ROBO2: variants seen among roughly 807,000 people sequenced by gnomAD.
ROBO2 encodes roundabout homolog 2.
ROBO2 carries 53 observed loss-of-function variants against 160.8 expected under a neutral mutation model. The ratio of observed to expected loss-of-function variants is 0.33; its 90% CI spans 0.26 to 0.41. ROBO2 has a LOEUF of 0.41. Ranked by LOEUF, ROBO2 falls within the 10% of genes least tolerant of loss-of-function variation. The probability of loss-of-function intolerance (pLI) is 1.00; values close to 1 mark genes in which losing one functional copy is unlikely to be tolerated. For missense variants in ROBO2, 1,577 were observed against 1,722.4 expected, an observed-to-expected ratio of 0.92 and a Z score of 1.49; for synonymous variants, 664 against 611.7, an observed-to-expected ratio of 1.09 and a Z score of -1.26.
At chr3:76,277,030 G>C (rs1298314944) in intron 2 of ROBO2, among the ~76,000 whole-genome samples, 1 of 151,932 alleles carries the variant, frequency 6.6e-6, no homozygotes, top group Non-Finnish European at 1.5e-5. Flanking sequence ...TTTTATGCAT[G>C]AAACAAAGTT....
At chr3:76,979,529 CT>C (rs1476933749) in intron 2 of ROBO2, among the ~76,000 whole-genome samples, 1 of 151,766 alleles carries the variant, frequency 6.6e-6, no homozygotes, top group Admixed American at 6.6e-5. Flanking sequence ...ATTCATGTTG[CT>C]TCAAAAGACA....
intron 2 of ROBO2, among the ~76,000 whole-genome samples, chr3:77,445,090 A>G (rs1235091127): frequency 6.6e-6 from 1 of 152,142 alleles, no homozygotes; most frequent in Non-Finnish European, 1.5e-5. Context: ...TGTTGCTGAT[A>G]CATTTTTTGT....
intron 2 of ROBO2, among the ~76,000 whole-genome samples, chr3:76,810,320 A>T (rs1441172544): frequency 3.9e-5 from 6 of 152,176 alleles, no homozygotes; most frequent in Admixed American, 3.9e-4. Flanking sequence ...CCAGTTCGCC[A>T]ACCCAAACTT....
intron 2 of ROBO2, among the ~76,000 whole-genome samples, chr3:76,953,574 G>A (rs1416157484): frequency 6.6e-6 from 1 of 152,122 alleles, no homozygotes; most frequent in African/African-American, 2.4e-5. Flanking sequence ...TCCAACTCAA[G>A]CTAGAATTCC....
intron 2 of ROBO2, among the ~76,000 whole-genome samples, chr3:77,291,094 G>C (rs9822838): frequency 0.4 from 48,651 of 120,486 alleles, 9,043 homozygotes; most frequent in Middle Eastern, 0.59. Context: ...AAATTGACGG[G>C]TAAACGGGTA....
chr3:77,508,435 A>G (rs2088893789), intron 5 of ROBO2, among the ~76,000 whole-genome samples: 1 of 148,250 alleles, frequency 6.7e-6, no homozygotes, highest in South Asian at 2.1e-4. Flanking sequence ...AGATTTCTAT[A>G]TATATGTGAT....
At chr3:77,143,229 A>G (rs1187308608) in intron 2 of ROBO2, among the ~76,000 whole-genome samples, 1 of 117,498 alleles carries the variant, frequency 8.5e-6, no homozygotes, top group Non-Finnish European at 1.6e-5. Flanking sequence ...TCTGTTGCCC[A>G]GGCTGGAGTG....
chr3:76,138,421 G>A (rs2071509313), intron 2 of ROBO2, among the ~76,000 whole-genome samples: 2 of 151,930 alleles, frequency 1.3e-5, no homozygotes, highest in African/African-American at 4.8e-5. Context: ...CCATATAAAT[G>A]CAAAGAGAAA....
chr3:77,366,754 A>C (rs1205695533), intron 2 of ROBO2, among the ~76,000 whole-genome samples: 1 of 151,998 alleles, frequency 6.6e-6, no homozygotes, highest in Non-Finnish European at 1.5e-5. Flanking sequence ...ACATGGCCAG[A>C]GAGGAAGTGA....
chr3:75,958,079 C>A (rs1948783775), intron 2 of ROBO2, among the ~76,000 whole-genome samples: 3 of 151,656 alleles, frequency 2.0e-5, no homozygotes, highest in Non-Finnish European at 4.4e-5. Flanking sequence ...AGTTGGAGGG[C>A]AACTGATATT....
intron 2 of ROBO2, among the ~76,000 whole-genome samples, chr3:77,034,286 G>A (rs1191369305): frequency 1.3e-5 from 2 of 149,984 alleles, no homozygotes; most frequent in East Asian, 2.0e-4. Flanking sequence ...GGATGACAAT[G>A]TGTATTTACA....
At chr3:77,269,497 G>A (rs1267536683) in intron 2 of ROBO2, among the ~76,000 whole-genome samples, 1 of 152,078 alleles carries the variant, frequency 6.6e-6, no homozygotes, top group Non-Finnish European at 1.5e-5. Flanking sequence ...GAATTCATCT[G>A]CGAGCCACAA....
chr3:76,080,776 A>C (rs2068798789), intron 2 of ROBO2, among the ~76,000 whole-genome samples: 1 of 152,222 alleles, frequency 6.6e-6, no homozygotes, highest in Non-Finnish European at 1.5e-5. Flanking sequence ...GATATGTAGT[A>C]AGATATATGA....
At chr3:76,524,070 G>C (rs573639485) in intron 2 of ROBO2, among the ~76,000 whole-genome samples, 1 of 151,886 alleles carries the variant, frequency 6.6e-6, no homozygotes, top group East Asian at 1.9e-4. Flanking sequence ...TTATCTCCAA[G>C]TTTGAAGTCT....
chr3:77,432,856 G>A (rs565345650), intron 2 of ROBO2, among the ~76,000 whole-genome samples: 8 of 152,106 alleles, frequency 5.3e-5, no homozygotes, highest in South Asian at 2.1e-4. Context: ...GTATTTTCCC[G>A]TCCCTCCAGA....
At chr3:77,492,416 A>G (rs1001345354) in intron 4 of ROBO2, among the ~76,000 whole-genome samples, 18 of 152,184 alleles carry the variant, frequency 1.2e-4, no homozygotes, top group African/African-American at 4.3e-4. Flanking sequence ...ATGGATACAG[A>G]CTTATTTTTC....
chr3:76,009,571 A>G (rs1384551889), intron 2 of ROBO2, among the ~76,000 whole-genome samples: 1 of 152,204 alleles, frequency 6.6e-6, no homozygotes, highest in Non-Finnish European at 1.5e-5. Flanking sequence ...TATCAAGAGA[A>G]TAGTGTTGCG....
At chr3:76,075,186 T>C (rs2068604677) in intron 2 of ROBO2, among the ~76,000 whole-genome samples, 1 of 151,916 alleles carries the variant, frequency 6.6e-6, no homozygotes, top group Non-Finnish European at 1.5e-5. Flanking sequence ...CCATGCTTTC[T>C]GTGCCAGGGC....
At chr3:76,305,163 AG>A (rs1000821536) in intron 2 of ROBO2, among the ~76,000 whole-genome samples, 1 of 151,930 alleles carries the variant, frequency 6.6e-6, no homozygotes, top group Non-Finnish European at 1.5e-5. Flanking sequence ...CTGAGGACAG[AG>A]GATCACCTGA....
Sources: allele counts gnomAD v4.1 joint callset (sites outside exome capture counted in the v4.1 genomes callset), GRCh38; gene constraint gnomAD v4.1.1; transcripts MANE v1.5; gene names NCBI Gene and HGNC (gene_info 2026-07-23, HGNC 2026-07-21).